The following IGSF11 variants were observed in gnomAD, a reference collection of about 807,000 sequenced individuals.
IGSF11 encodes the protein CXADR like 1.
IGSF11 carries 22 observed loss-of-function variants against 41.0 expected under a neutral mutation model. The observed-to-expected ratio is 0.54, with a 90% CI of 0.38 to 0.77. The LOEUF (loss-of-function observed/expected upper bound fraction) is 0.77. IGSF11 is among the 30% of genes least tolerant of loss of function. The pLI, the probability that IGSF11 is intolerant of heterozygous loss-of-function variation, is 0.00. For missense variants in IGSF11, 444 were observed against 530.8 expected (o/e 0.84, Z 1.61); for synonymous variants, 219 against 201.3 (o/e 1.09, Z -0.74).
chr3:119,034,724 G>C lies in IGSF11; in HGVS notation c.-142C>G. The C allele has an allele frequency of 1.5e-6, 2 of 1,365,810 alleles. No individual in the cohort carries two copies. The highest frequency in any genetic ancestry group is 1.9e-6 in the Non-Finnish European group (2 of 1,055,692). The allele number at this position is 1,365,810 out of a possible 1,614,324, so 84.6% of individuals were successfully genotyped here. ...GGCCGCTGTTCCCCGCGCAGAGCTGGGACTGTCAGACCCACAGACGAGCCA... is the reference window on the plus strand; with the variant it reads ...GGCCGCTGTTCCCCGCGCAGAGCTGCGACTGTCAGACCCACAGACGAGCCA... On this transcript the variant is annotated 5_prime_UTR_variant, in exon 1 of 7. Transcript: ENST00000393775.
In IGSF11 at chr3:119,080,169, T is replaced by C. The variant is rs149435120; in HGVS notation, c.49+24975A>G. On this transcript the variant is annotated intron_variant, in intron 1 of 6. Coordinates refer to the IGSF11 transcript ENST00000354673. Reference sequence around the variant, plus strand: ...TAAATCATATTTATAATTTTACATATGACTCTCTAAACTGCTTAGCTGAAA... The same window carrying C: ...TAAATCATATTTATAATTTTACATACGACTCTCTAAACTGCTTAGCTGAAA... Among the ~76,000 whole-genome samples, 569 of 152,332 alleles carry C rather than the reference T, an allele frequency of 3.7e-3. 5 individuals carry two copies. The highest frequency in any genetic ancestry group is 6.5e-3 in the Non-Finnish European group (439 of 68,028).
chr3:119,041,917 C>T (rs1044627483), intron 1 of IGSF11, among the ~76,000 whole-genome samples: 1 of 152,124 alleles, frequency 6.6e-6, no homozygotes, highest in Non-Finnish European at 1.5e-5. Flanking sequence ...AAATGAAACA[C>T]TCCACTCATT....
intron 1 of IGSF11, among the ~76,000 whole-genome samples, chr3:119,076,791 G>A (rs1447567540): frequency 3.6e-5 from 5 of 139,622 alleles, no homozygotes; most frequent in Non-Finnish European, 8.1e-5. Flanking sequence ...TGGAGAAATA[G>A]GAACACTTTT....
chr3:119,048,124 A>T (rs202165233), intron 1 of IGSF11, among the ~76,000 whole-genome samples: 2 of 152,120 alleles, frequency 1.3e-5, no homozygotes, highest in Non-Finnish European at 2.9e-5. Context: ...AAAAGCTAGC[A>T]GAAGGCAAGA....
intron 1 of IGSF11, among the ~76,000 whole-genome samples, chr3:119,044,015 C>T (rs1251478376): frequency 6.6e-6 from 1 of 152,100 alleles, no homozygotes; most frequent in African/African-American, 2.4e-5. Context: ...TATTAACACC[C>T]CCAAAAGATC....
At chr3:118,972,623 T>C (rs1255273644) in intron 1 of IGSF11, among the ~76,000 whole-genome samples, 2 of 152,156 alleles carry the variant, frequency 1.3e-5, no homozygotes, top group Non-Finnish European at 2.9e-5. Flanking sequence ...ACACAACACA[T>C]GGGTACAGGG....
At chr3:119,045,852 C>A (rs571719705) in intron 1 of IGSF11, among the ~76,000 whole-genome samples, 1 of 151,952 alleles carries the variant, frequency 6.6e-6, no homozygotes, top group Non-Finnish European at 1.5e-5. Flanking sequence ...CCCCGAGCAG[C>A]CTAACTGGGA....
intron 1 of IGSF11, among the ~76,000 whole-genome samples, chr3:119,051,568 A>T (rs554116632): frequency 6.6e-6 from 1 of 152,318 alleles, no homozygotes; most frequent in South Asian, 2.1e-4. Flanking sequence ...TAAACAAGTT[A>T]TCAAGACAGA....
chr3:118,942,074 G>A (rs1448179361), intron 1 of IGSF11, among the ~76,000 whole-genome samples: 3 of 152,148 alleles, frequency 2.0e-5, no homozygotes, highest in Admixed American at 6.6e-5. Context: ...AACACAAGAC[G>A]AGACATTTGT....
intron 1 of IGSF11, among the ~76,000 whole-genome samples, chr3:118,937,721 G>A (rs750466760): frequency 1.1e-4 from 16 of 151,944 alleles, no homozygotes; most frequent in Admixed American, 2.0e-4. Flanking sequence ...GGTGTACAAC[G>A]GCAAGCTACC....
intron 1 of IGSF11, among the ~76,000 whole-genome samples, chr3:119,012,029 CAGAG>C (rs766318248): frequency 6.7e-5 from 10 of 148,452 alleles, no homozygotes; most frequent in Admixed American, 3.4e-4. Context: ...TACACACACA[CAGAG>C]AGAGAGAGAG....
rs146835538 is a variant in IGSF11 at position 118,928,949 on chromosome 3, A to G, written c.217-233T>C. Among the ~76,000 whole-genome samples the G allele has an allele frequency of 2.4e-4, 36 of 152,282 alleles. No homozygotes were observed. In the East Asian group the frequency reaches 6.6e-3, roughly 28 times the overall value. On this transcript the variant is annotated intron_variant, in intron 2 of 6. Coordinates refer to ENST00000393775, the MANE Select transcript of IGSF11 (RefSeq NM_001015887.3). Reference sequence around the variant, plus strand: ...ATTTTTTCCTTACCTAACACATCAGAACATAAAAAAAGTCTTTGCTGCTGC... The same window carrying G: ...ATTTTTTCCTTACCTAACACATCAGGACATAAAAAAAGTCTTTGCTGCTGC...
In IGSF11 at chr3:119,140,998, A is replaced by G. The variant is rs539747219; in HGVS notation, c.-14+4815T>C. ...GCAGAGGTTGCAGTGAGCCGAGACC[A>G]TGCCATTGCACTCCAGCCTGGGCCA... On this transcript the variant is annotated intron_variant, in intron 1 of 7. Coordinates refer to the IGSF11 transcript ENST00000425327. Among the ~76,000 whole-genome samples the G allele has an allele frequency of 3.4e-5, 5 of 147,438 alleles. No homozygotes were observed. The South Asian group carries it at 1.1e-3, about 32-fold the overall frequency.
intron 1 of IGSF11, among the ~76,000 whole-genome samples, chr3:119,000,063 C>CTTTTTTTTTTT (rs1297321950): frequency 2.0e-5 from 2 of 98,744 alleles, no homozygotes; most frequent in Non-Finnish European, 4.1e-5. Flanking sequence ...ATTCATTATT[C>CTTTTTTTTTTT]TTTTTTTTTT....
intron 1 of IGSF11, among the ~76,000 whole-genome samples, chr3:119,045,789 G>C (rs953700463): frequency 6.6e-6 from 1 of 151,848 alleles, no homozygotes; most frequent in Non-Finnish European, 1.5e-5. Context: ...GCACGCAGCT[G>C]GAGATCTGAG....
chr3:119,032,166 G>A (rs561706392), intron 1 of IGSF11, among the ~76,000 whole-genome samples: 1 of 152,116 alleles, frequency 6.6e-6, no homozygotes, highest in Non-Finnish European at 1.5e-5. Flanking sequence ...TACCTTTGGT[G>A]TATCATTTCA....
At position 118,962,565 on chromosome 3, in the gene IGSF11, G is replaced by A. The variant is rs1296246784; in HGVS notation, c.53-32290C>T. ...AGTATTTGGGGGAAAATGACTTTGG[G>A]TTCAATTTTAGACACTGAGTTTGAT... On this transcript the variant is annotated intron_variant, in intron 1 of 6. Coordinates refer to ENST00000393775, the MANE Select transcript of IGSF11 (RefSeq NM_001015887.3). Among the ~76,000 whole-genome samples, 4 of 152,000 alleles carry A rather than the reference G, an allele frequency of 2.6e-5. No individual in the cohort carries two copies. In the East Asian group the frequency reaches 7.7e-4, roughly 29 times the overall value.
chr3:119,096,375 C>T (rs1490154612), intron 1 of IGSF11, among the ~76,000 whole-genome samples: 1 of 151,874 alleles, frequency 6.6e-6, no homozygotes, highest in Admixed American at 6.6e-5. Context: ...CACATATATA[C>T]ATGTGTATAT....
intron 6 of IGSF11, among the ~76,000 whole-genome samples, chr3:118,903,952 A>G (rs1001918068): frequency 2.0e-5 from 3 of 152,238 alleles, no homozygotes; most frequent in Admixed American, 6.5e-5. Flanking sequence ...AAAAGCCCTG[A>G]GCAATGGGAA....
Sources: allele counts gnomAD v4.1 joint callset (sites outside exome capture counted in the v4.1 genomes callset), GRCh38; gene constraint gnomAD v4.1.1; transcripts MANE v1.5; gene names NCBI Gene and HGNC (gene_info 2026-07-23, HGNC 2026-07-21).